Variants in GLI2 observed in about 807,000 individuals in gnomAD.
GLI2 encodes the protein GLI family zinc finger 2.
In GLI2, 22 loss-of-function variants were observed where a neutral mutation model predicts 78.9. The ratio of observed to expected loss-of-function variants is 0.28; its 90% CI spans 0.20 to 0.40. The LOEUF (loss-of-function observed/expected upper bound fraction) is 0.40. Ranked by LOEUF, GLI2 falls within the 10% of genes least tolerant of loss-of-function variation. The pLI is 1.00. For missense variants in GLI2, 2,097 were observed against 2,213.2 expected (o/e 0.95, Z 1.05); for synonymous variants, 974 against 963.7 (o/e 1.01, Z -0.20).
chr2:120,858,114 CA>C (rs1437994672), intron 2 of GLI2, among the ~76,000 whole-genome samples: 1 of 152,098 alleles, frequency 6.6e-6, no homozygotes, highest in East Asian at 1.9e-4. Flanking sequence ...GCTGAGTGCT[CA>C]GGGGGCGGGG....
chr2:120,861,668 C>T (rs1030164821), intron 2 of GLI2, among the ~76,000 whole-genome samples: 1 of 152,212 alleles, frequency 6.6e-6, no homozygotes, highest in Non-Finnish European at 1.5e-5. Flanking sequence ...TCTCCCAGCT[C>T]GCTGACCCTG....
chr2:120,752,394 C>T (rs1048891513), intron 1 of GLI2, among the ~76,000 whole-genome samples: 6 of 151,884 alleles, frequency 4.0e-5, no homozygotes, highest in African/African-American at 1.5e-4. Context: ...CCTCAACCTC[C>T]CGAGTAGCTG....
chr2:120,738,166 T>C (rs1258197674), intron 1 of GLI2, among the ~76,000 whole-genome samples: 2 of 152,196 alleles, frequency 1.3e-5, no homozygotes, highest in Middle Eastern at 3.2e-3. Context: ...GGAGGCTCTT[T>C]ATTTAGGCTT....
intron 5 of GLI2, among the ~76,000 whole-genome samples, chr2:120,959,091 G>A (rs1202761352): frequency 6.6e-6 from 1 of 152,140 alleles, no homozygotes; most frequent in Admixed American, 6.5e-5. Context: ...TTTGCCTTCC[G>A]GGCACTCAGC....
At chr2:120,947,016 C>T (rs1397246280) in intron 3 of GLI2, among the ~76,000 whole-genome samples, 1 of 152,184 alleles carries the variant, frequency 6.6e-6, no homozygotes, top group Non-Finnish European at 1.5e-5. Flanking sequence ...TGGGGGGTTC[C>T]AGCTCCCTAC....
chr2:120,843,772 T>C (rs1486252448), intron 2 of GLI2, among the ~76,000 whole-genome samples: 1 of 152,188 alleles, frequency 6.6e-6, no homozygotes, highest in Non-Finnish European at 1.5e-5. Context: ...GTTGAAGTGA[T>C]TATCCTGTCT....
At chr2:120,980,466 C>G (rs907494744) in intron 10 of GLI2, among the ~76,000 whole-genome samples, 4 of 152,130 alleles carry the variant, frequency 2.6e-5, no homozygotes, top group Admixed American at 2.0e-4. Flanking sequence ...CAAATATTGC[C>G]CATTTTGAAA....
intron 11 of GLI2, 136 bp from the exon 12 acceptor site, chr2:120,984,335 T>A: frequency 1.1e-6 from 1 of 921,084 alleles, no homozygotes; most frequent in Admixed American, 1.7e-5. Context: ...GGCTGCAAAT[T>A]TGACACAGCA....
At chr2:120,910,702 G>A (rs151007829) in intron 2 of GLI2, among the ~76,000 whole-genome samples, 23 of 152,274 alleles carry the variant, frequency 1.5e-4, no homozygotes, top group African/African-American at 2.2e-4. Context: ...GAATGTTTTC[G>A]GAGCCAGGCA....
intron 1 of GLI2, among the ~76,000 whole-genome samples, chr2:120,747,446 C>T (rs569604316): frequency 1.3e-5 from 2 of 152,186 alleles, no homozygotes; most frequent in Non-Finnish European, 2.9e-5. Context: ...AGCCAGGACC[C>T]TCTCCCAGAG....
At chr2:120,920,756 C>G (rs150489078) in intron 2 of GLI2, among the ~76,000 whole-genome samples, 2 of 151,840 alleles carry the variant, frequency 1.3e-5, no homozygotes, top group African/African-American at 4.8e-5. Flanking sequence ...TTGAAAATTC[C>G]CATCTTAGAG....
chr2:120,979,572 C>G (rs2105054667), intron 10 of GLI2, among the ~76,000 whole-genome samples: 1 of 152,328 alleles, frequency 6.6e-6, no homozygotes, highest in East Asian at 1.9e-4. Flanking sequence ...GCTGGCAAGT[C>G]AGTTTTTTTA....
At chr2:120,888,953 C>G (rs560053963) in intron 2 of GLI2, among the ~76,000 whole-genome samples, 92 of 152,230 alleles carry the variant, frequency 6.0e-4, no homozygotes, top group Admixed American at 2.2e-3. Context: ...AAGAGGGGAC[C>G]AAGTCTTTCC....
At chr2:120,839,162 T>A (rs972071977) in intron 2 of GLI2, among the ~76,000 whole-genome samples, 1 of 152,218 alleles carries the variant, frequency 6.6e-6, no homozygotes, top group African/African-American at 2.4e-5. Context: ...TTCAAATATT[T>A]GCATACCGTA....
Position 120,769,681 on chromosome 2 carries a change from GTGTT to G in GLI2, c.-30-27607_-30-27604del, listed in dbSNP as rs556290442. Among the ~76,000 whole-genome samples, 311 of 152,350 alleles carry G rather than the reference GTGTT, an allele frequency of 2.0e-3. 1 individual carries two copies. The highest frequency in any genetic ancestry group is 3.2e-3 in the Non-Finnish European group (218 of 68,034). ...TGTGCGGCTGTGTGAGAGCGTGTGT[GTGTT>G]TGGGCACATTTGTGAATGTAGGGGT... On this transcript the variant is annotated intron_variant, in intron 1 of 13. Coordinates refer to ENST00000361492, the MANE Select transcript of GLI2 (RefSeq NM_001374353.1).
intron 1 of GLI2, among the ~76,000 whole-genome samples, chr2:120,788,629 A>G (rs1162656021): frequency 6.6e-6 from 1 of 152,216 alleles, no homozygotes; most frequent in Non-Finnish European, 1.5e-5. Context: ...CCAGCCCAGC[A>G]AGTCAGTGAA....
intron 8 of GLI2, 35 bp from the exon 9 acceptor site, chr2:120,974,940 A>G: frequency 3.1e-6 from 5 of 1,614,238 alleles, no homozygotes; most frequent in Non-Finnish European, 3.4e-6. Flanking sequence ...GTGTCTGGAC[A>G]CGGCTCATGT....
intron 1 of GLI2, among the ~76,000 whole-genome samples, chr2:120,773,532 T>A (rs1683584926): frequency 6.6e-6 from 1 of 152,188 alleles, no homozygotes; most frequent in Non-Finnish European, 1.5e-5. Context: ...CCTGATGCTG[T>A]CTGCGGCTGC....
At chr2:120,829,201 A>G (rs192974490) in intron 2 of GLI2, among the ~76,000 whole-genome samples, 1 of 152,200 alleles carries the variant, frequency 6.6e-6, no homozygotes, top group African/African-American at 2.4e-5. Context: ...ACACATTCGC[A>G]TGCACACGCC....
Sources: gnomAD v4.1 joint callset for allele counts (sites outside exome capture counted in the v4.1 genomes callset) on GRCh38, gnomAD v4.1.1 for gene constraint, MANE v1.5 for transcripts, NCBI Gene and HGNC (gene_info 2026-07-23, HGNC 2026-07-21) for gene names.